Variants in MYOT observed in about 807,000 individuals in gnomAD.
MYOT encodes the protein 57 kDa cytoskeletal protein.
MYOT carries 36 observed loss-of-function variants against 58.0 expected under a neutral mutation model. The observed-to-expected ratio is 0.62, with a 90% confidence interval of 0.48 to 0.82. The LOEUF (loss-of-function observed/expected upper bound fraction) is 0.82. MYOT is among the 40% of genes least tolerant of loss of function. The pLI is 0.00. For missense variants in MYOT, 505 were observed against 592.1 expected (o/e 0.85, Z 1.53); for synonymous variants, 218 against 204.6 (o/e 1.07, Z -0.56).
At chr5:137,876,680 T>G (rs994653953) in intron 3 of MYOT, among the ~76,000 whole-genome samples, 7 of 152,318 alleles carry the variant, frequency 4.6e-5, no homozygotes, top group Admixed American at 4.6e-4. Context: ...GGCATGCACC[T>G]GTAGTTCCAG....
intron 5 of MYOT, 109 bp from the exon 6 acceptor site, chr5:137,881,864 A>C: frequency 8.5e-7 from 1 of 1,173,770 alleles, no homozygotes; most frequent in South Asian, 1.3e-5. Context: ...CCTGGGCAAC[A>C]AGAGTGAAAC....
At chr5:137,883,159 T>C in intron 6 of MYOT, 1 of 522,956 alleles carries the variant, frequency 1.9e-6, no homozygotes, top group South Asian at 2.1e-5. Context: ...AGGTTGCATG[T>C]AAAAGAGTTA....
rs952720598 is a variant in MYOT at position 137,885,896 on chromosome 5, A to C, written c.1025-152A>C. On this transcript the variant is annotated intron_variant, in intron 7 of 9. Coordinates refer to ENST00000239926, the MANE Select transcript of MYOT (RefSeq NM_006790.3). ...TTAGAATTCTGAATGGTATAACAAAATAGTACTGCATGTCTTTTTTACTGA... is the reference window on the plus strand; with the variant it reads ...TTAGAATTCTGAATGGTATAACAAACTAGTACTGCATGTCTTTTTTACTGA... 5 of 546,906 alleles carry C rather than the reference A, an allele frequency of 9.1e-6. No individual in the cohort carries two copies. In the Admixed American group the frequency reaches 1.6e-4, roughly 17 times the overall value. 33.9% of individuals were successfully genotyped at this position (546,906 alleles called of 1,614,324 possible).
At position 137,883,611 on chromosome 5, in the gene MYOT, C is replaced by A; in HGVS notation, c.1024+20C>A. The A allele has an allele frequency of 6.2e-7, 1 of 1,603,020 alleles. No individual in the cohort carries two copies. Among genetic ancestry groups the A allele is most frequent in the Non-Finnish European group, 8.5e-7 (1 of 1,170,126 alleles). On this transcript the variant is annotated intron_variant, in intron 7 of 9. Coordinates refer to ENST00000239926, the MANE Select transcript of MYOT (RefSeq NM_006790.3). ...TCCTTGGTAAGCCTCCAAAGAGACC[C>A]TTGAGAATTCCTTAAAATCCAGAAG... is the stretch of plus-strand genomic sequence containing the variant.
At position 137,886,060 on chromosome 5, in the gene MYOT, A is replaced by G; in HGVS notation, c.1037A>G (p.Lys346Arg). 1.3e-6 allele frequency: 2 copies of G among 1,595,900 alleles called. No individual in the cohort carries two copies. Among genetic ancestry groups the G allele is most frequent in the Non-Finnish European group, 1.7e-6 (2 of 1,164,690 alleles). ...VQLDVLAKEH[K>R]RAPMFIYKPQ... ...TATTAATATATAGCAAAAGAACATAAAAGAGCACCAATGTTTATCTACAAA... is the reference window on the plus strand; with the variant it reads ...TATTAATATATAGCAAAAGAACATAGAAGAGCACCAATGTTTATCTACAAA... Residue 346 changes from lysine to arginine, a missense_variant, in exon 8 of 10, where the codon AAA (lysine) becomes AGA (arginine). Lys to Arg is a conservative substitution (Grantham distance 26). Coordinates refer to ENST00000239926, the MANE Select transcript of MYOT (RefSeq NM_006790.3).
In MYOT at chr5:137,870,571, C is replaced by T. The variant is rs927502821; in HGVS notation, c.-81C>T. 4.8e-5 allele frequency: 60 copies of T among 1,259,732 alleles called. No homozygotes were observed. The highest frequency in any genetic ancestry group is 5.1e-5 in the Non-Finnish European group (44 of 857,456). The allele number at this position is 1,259,732 out of a possible 1,614,324, so 78.0% of individuals were successfully genotyped here. A position where few individuals can be genotyped will look rare whatever the true frequency, so the allele number is the denominator to read the frequency against. The stretch of plus-strand genomic sequence containing the variant: ...ACCTTCCGTAATTCCAGGCTTGTGG[C>T]CCCAAATTCAGGGCCCCACCCTTCC... On this transcript the variant is annotated 5_prime_UTR_variant, in exon 2 of 10. Transcript: ENST00000239926.
At chr5:137,879,804 AG>A (rs1231715902) in intron 4 of MYOT, among the ~76,000 whole-genome samples, 1 of 149,700 alleles carries the variant, frequency 6.7e-6, no homozygotes, top group African/African-American at 2.5e-5. Context: ...CCAAAGTGCT[AG>A]GATTACAGGC....
Position 137,870,725 on chromosome 5 carries a change from G to C in MYOT, c.74G>C (p.Gly25Ala). The change falls in exon 2 of 10, where the codon GGA becomes GCA. Residue 25 changes from glycine (G) to alanine (A), a missense_variant. Physicochemically the swap from Gly to Ala is moderately conservative, Grantham distance 60. Coordinates refer to ENST00000239926, the MANE Select transcript of MYOT (RefSeq NM_006790.3). Reference sequence around the variant, plus strand: ...TGTGGCTCCAGATTGCAGCCTCCTGGACCAGAAACCTCCAGCTTCTCTAGC... The same window carrying C: ...TGTGGCTCCAGATTGCAGCCTCCTGCACCAGAAACCTCCAGCTTCTCTAGC... ...NPCGSRLQPP[G>A]PETSSFSSQT... The C allele has an allele frequency of 6.2e-7, 1 of 1,614,104 alleles. No individual in the cohort carries two copies.
chr5:137,870,788 A>G lies in MYOT; in HGVS notation c.137A>G (p.Gln46Arg). Reference protein sequence around the residue: ...KQSSIIIQPRQCTEQRFSASS... With the variant: ...KQSSIIIQPRRCTEQRFSASS... ...TCTTCCATTATCATCCAGCCCCGCC[A>G]GTGTACAGAGCAAAGATTTTCTGCC... is the stretch of plus-strand genomic sequence containing the variant. Residue 46 changes from glutamine to arginine, a missense_variant, in exon 2 of 10, where the codon CAG (glutamine) becomes CGG (arginine). Transcript: ENST00000239926. The G allele has an allele frequency of 1.9e-6, 3 of 1,614,188 alleles. No individual in the cohort carries two copies. In the African/African-American group the frequency reaches 4.0e-5, roughly 22 times the overall value.
intron 8 of MYOT, 92 bp from the exon 9 acceptor site, chr5:137,886,771 TG>T (rs1478432836): frequency 7.2e-5 from 69 of 951,782 alleles, no homozygotes; most frequent in Non-Finnish European, 1.0e-4. Flanking sequence ...AATTTTCAAA[TG>T]TTTTTTTCTT....
intron 7 of MYOT, 48 bp downstream of exon 7, chr5:137,883,639 T>C (rs1036516187): frequency 7.1e-6 from 11 of 1,547,428 alleles, no homozygotes; most frequent in Non-Finnish European, 9.8e-6. Context: ...TCCAGAAGTA[T>C]TGAAAAAAAG....
At chr5:137,876,187 G>C in intron 3 of MYOT, 184 bp downstream of exon 3, 1 of 624,486 alleles carries the variant, frequency 1.6e-6, no homozygotes, top group Non-Finnish European at 2.7e-6. Context: ...GTTTACAGTA[G>C]TAAAAGAATG....
intron 5 of MYOT, 84 bp downstream of exon 5, chr5:137,880,949 C>T: frequency 5.0e-6 from 5 of 1,000,096 alleles, no homozygotes; most frequent in Admixed American, 2.0e-5. Flanking sequence ...ATAAAGCCCT[C>T]GAGCCTACTC....
intron 4 of MYOT, chr5:137,880,554 T>A: frequency 2.6e-6 from 1 of 385,876 alleles, no homozygotes; most frequent in Non-Finnish European, 4.8e-6. Context: ...ATCTGAAAAA[T>A]GAACCACCAT....
Position 137,870,884 on chromosome 5 carries a change from G to A in MYOT, c.233G>A (p.Gly78Asp). The A allele has an allele frequency of 1.2e-6, 2 of 1,614,082 alleles. No homozygotes were observed. Among genetic ancestry groups the A allele is most frequent in the Non-Finnish European group, 1.7e-6 (2 of 1,180,016 alleles). ...CCTGCTTCTCCCCAGCAGCATGCTG[G>A]CTCCAACCCAGGCCAAAGGGTTACA... ...AFPASPQQHAGSNPGQRVTTT... is the reference protein window; with the variant it reads ...AFPASPQQHADSNPGQRVTTT... The change falls in exon 2 of 10, where the codon GGC (glycine) becomes GAC (aspartate). Residue 78 changes from glycine (G) to aspartate (D), a missense_variant. Transcript: ENST00000239926.
At chr5:137,879,330 G>C (rs1228419773) in intron 4 of MYOT, among the ~76,000 whole-genome samples, 1 of 152,066 alleles carries the variant, frequency 6.6e-6, no homozygotes, top group Non-Finnish European at 1.5e-5. Context: ...AAACTGAAAA[G>C]AGAACTTAAA....
At chr5:137,880,491 C>G (rs1755391098) in intron 4 of MYOT, 1 of 290,350 alleles carries the variant, frequency 3.4e-6, no homozygotes, top group Admixed American at 4.8e-5. Flanking sequence ...GTACTCTGTG[C>G]TCCCATTTCA....
chr5:137,876,295 G>T, intron 3 of MYOT: 1 of 389,852 alleles, frequency 2.6e-6, no homozygotes, highest in South Asian at 2.6e-5. Context: ...ATAGCTATTA[G>T]GAATTACTGT....
Position 137,887,495 on chromosome 5 carries a change from GTAATATAGT to G in MYOT, c.*118_*126del. On this transcript the variant is annotated 3_prime_UTR_variant, in exon 10 of 10. Transcript: ENST00000239926. ...ATTAACAGATTATGGTTTTAATTAGGTAATATAGTTAATATATATTTATAATATTATTTA... is the reference window on the plus strand; with the variant it reads ...ATTAACAGATTATGGTTTTAATTAGGTAATATATATTTATAATATTATTTA... 3.4e-6 allele frequency: 3 copies of G among 886,810 alleles called. No individual in the cohort carries two copies. Among genetic ancestry groups the G allele is most frequent in the Non-Finnish European group, 5.2e-6 (3 of 580,796 alleles). The allele number at this position is 886,810 out of a possible 1,614,324, so 54.9% of individuals were successfully genotyped here. A position where few individuals can be genotyped will look rare whatever the true frequency, so the allele number is the denominator to read the frequency against.
Sources: gnomAD v4.1 joint callset for allele counts (sites outside exome capture counted in the v4.1 genomes callset) on GRCh38, gnomAD v4.1.1 for gene constraint, MANE v1.5 for transcripts, NCBI Gene and HGNC (gene_info 2026-07-23, HGNC 2026-07-21) for gene names.